LYPLAL1: variants seen among roughly 807,000 people sequenced by gnomAD.
The protein encoded by LYPLAL1 is lysophospholipase like 1.
Under a neutral mutation model 19.7 loss-of-function variants are expected in LYPLAL1, and 23 were observed. The ratio of observed to expected loss-of-function variants is 1.17; its 90% CI spans 0.84 to 1.65. The LOEUF (loss-of-function observed/expected upper bound fraction) is 1.65, where lower values mean the gene tolerates loss of function less well. Ranked by LOEUF, LYPLAL1 falls within the 40% of genes most tolerant of loss-of-function variation. The pLI is 0.00. For synonymous variants in LYPLAL1, 119 were observed against 96.3 expected, an observed-to-expected ratio of 1.24 and a Z score of -1.38; for missense variants, 355 against 279.4, an observed-to-expected ratio of 1.27 and a Z score of -1.93.
chr1:219,211,171 C>T (rs1490143655), intron 4 of LYPLAL1, among the ~76,000 whole-genome samples: 2 of 152,100 alleles, frequency 1.3e-5, no homozygotes, highest in Non-Finnish European at 1.5e-5. Flanking sequence ...GTGTACTCCT[C>T]CCTCCTTCCA....
chr1:219,235,396 A>C, the LYPLAL1 span, among the ~76,000 whole-genome samples: 1 of 152,214 alleles, frequency 6.6e-6, no homozygotes, highest in Non-Finnish European at 1.5e-5. Flanking sequence ...TGAAAGGGAA[A>C]GTGAGGCTGT....
At chr1:219,306,260 C>T in the LYPLAL1 span, among the ~76,000 whole-genome samples, 2 of 152,144 alleles carry the variant, frequency 1.3e-5, no homozygotes, top group Admixed American at 1.3e-4. Flanking sequence ...AACTTGTAAA[C>T]AATAAATTTT....
At chr1:219,418,501 G>C in the LYPLAL1 span, among the ~76,000 whole-genome samples, 1 of 152,310 alleles carries the variant, frequency 6.6e-6, no homozygotes, top group East Asian at 1.9e-4. Flanking sequence ...TTTTAGAGCA[G>C]TGTTGGGTTA....
the LYPLAL1 span, among the ~76,000 whole-genome samples, chr1:219,290,052 C>T: frequency 1.3e-5 from 2 of 152,200 alleles, no homozygotes; most frequent in South Asian, 2.1e-4. Context: ...TTGGCTCTGC[C>T]TTTCTAATGC....
At chr1:219,380,713 T>C in the LYPLAL1 span, among the ~76,000 whole-genome samples, 1 of 152,192 alleles carries the variant, frequency 6.6e-6, no homozygotes, top group Non-Finnish European at 1.5e-5. Context: ...CAAAAGGCAA[T>C]ATAAATATCT....
the LYPLAL1 span, among the ~76,000 whole-genome samples, chr1:219,411,079 G>A: frequency 2.6e-5 from 4 of 152,218 alleles, no homozygotes; most frequent in Non-Finnish European, 4.4e-5. Flanking sequence ...CTGCAGCCCC[G>A]GTGCCGGATC....
chr1:219,387,642 G>T, the LYPLAL1 span, among the ~76,000 whole-genome samples: 2 of 152,184 alleles, frequency 1.3e-5, no homozygotes, highest in Non-Finnish European at 2.9e-5. Flanking sequence ...TACGAAGGTT[G>T]TCTTCAACAC....
chr1:219,239,489 C>A, the LYPLAL1 span, among the ~76,000 whole-genome samples: 1 of 152,194 alleles, frequency 6.6e-6, no homozygotes, highest in African/African-American at 2.4e-5. Context: ...ATGAAATTTT[C>A]TTTATGGAAG....
chr1:219,322,652 C>A, the LYPLAL1 span, among the ~76,000 whole-genome samples: 2 of 152,136 alleles, frequency 1.3e-5, no homozygotes, highest in East Asian at 1.9e-4. Flanking sequence ...TTACACAGGT[C>A]ATCTCTGAGC....
chr1:219,174,350 A>G lies in LYPLAL1; in HGVS notation c.91+369A>G, dbSNP rs148796094. The G allele has an allele frequency of 3.0e-5, 31 of 1,041,124 alleles. No homozygotes were observed. In the East Asian group the frequency reaches 1.4e-3, roughly 48 times the overall value. The allele number at this position is 1,041,124 out of a possible 1,614,324, so 64.5% of individuals were successfully genotyped here. A position where few individuals can be genotyped will look rare whatever the true frequency, so the allele number is the denominator to read the frequency against. The stretch of plus-strand genomic sequence containing the variant: ...AAATTATTTAGTGTTTTTCATTATC[A>G]GCTACTAGTGATTTTTCAGTCGTAA... On this transcript the variant is annotated intron_variant, in intron 1 of 4. Coordinates refer to ENST00000366928, the MANE Select transcript of LYPLAL1 (RefSeq NM_138794.5).
At chr1:219,239,559 A>G in the LYPLAL1 span, among the ~76,000 whole-genome samples, 1 of 152,090 alleles carries the variant, frequency 6.6e-6, no homozygotes, top group East Asian at 1.9e-4. Context: ...GTGATTTGCA[A>G]TGTGTGTGTG....
the LYPLAL1 span, among the ~76,000 whole-genome samples, chr1:219,385,268 A>G: frequency 3.9e-5 from 6 of 152,178 alleles, no homozygotes; most frequent in African/African-American, 1.4e-4. Context: ...CATGATTCCA[A>G]TAGGTTCAGT....
rs1658898792 is a variant in LYPLAL1 at position 219,210,221 on chromosome 1, A to T, written c.362-311A>T. The T allele has an allele frequency of 5.4e-5, 9 of 168,204 alleles. No individual in the cohort carries two copies. The South Asian group carries it at 1.5e-3, about 29-fold the overall frequency. The allele number at this position is 168,204 out of a possible 1,614,324, so 10.4% of individuals were successfully genotyped here. A position where few individuals can be genotyped will look rare whatever the true frequency, so the allele number is the denominator to read the frequency against. On this transcript the variant is annotated intron_variant, in intron 3 of 4. Coordinates refer to ENST00000366928, the MANE Select transcript of LYPLAL1 (RefSeq NM_138794.5). ...GTAAACAAAATATAAGTAAATATTG[A>T]GAATTTAAGTAATGCTTGTAATATG...
At chr1:219,238,519 C>T in the LYPLAL1 span, among the ~76,000 whole-genome samples, 4 of 151,826 alleles carry the variant, frequency 2.6e-5, no homozygotes, top group South Asian at 4.2e-4. Context: ...TTTTATTTGC[C>T]TGAGATATGT....
chr1:219,357,454 A>T, the LYPLAL1 span, among the ~76,000 whole-genome samples: 1 of 152,246 alleles, frequency 6.6e-6, no homozygotes, highest in Admixed American at 6.5e-5. Flanking sequence ...TATGCTTCAC[A>T]TCACACATCA....
At chr1:219,338,602 C>A in the LYPLAL1 span, among the ~76,000 whole-genome samples, 1 of 151,306 alleles carries the variant, frequency 6.6e-6, no homozygotes. Flanking sequence ...ATGTACCTGG[C>A]ACATGGTACA....
the LYPLAL1 span, among the ~76,000 whole-genome samples, chr1:219,307,188 T>C: frequency 6.6e-6 from 1 of 152,152 alleles, no homozygotes; most frequent in Non-Finnish European, 1.5e-5. Context: ...CACAAATTCA[T>C]TTCTTCTTTC....
the LYPLAL1 span, among the ~76,000 whole-genome samples, chr1:219,282,616 C>T: frequency 6.6e-6 from 1 of 151,362 alleles, no homozygotes; most frequent in African/African-American, 2.4e-5. Context: ...CAGTCAAATA[C>T]AAAACAATGG....
At chr1:219,381,738 A>C in the LYPLAL1 span, among the ~76,000 whole-genome samples, 1 of 152,320 alleles carries the variant, frequency 6.6e-6, no homozygotes, top group Admixed American at 6.5e-5. Flanking sequence ...TGCATCATTC[A>C]TTCATTCATT....
Sources: gnomAD v4.1 joint callset for allele counts (sites outside exome capture counted in the v4.1 genomes callset) on GRCh38, gnomAD v4.1.1 for gene constraint, MANE v1.5 for transcripts, NCBI Gene and HGNC (gene_info 2026-07-23, HGNC 2026-07-21) for gene names.